The following GAREM1 variants were observed in gnomAD, a reference collection of about 807,000 sequenced individuals.
GAREM1 encodes GRB2-associated and regulator of MAPK protein 1.
A neutral mutation model predicts 71.3 loss-of-function variants in GAREM1; 26 were observed. The ratio of observed to expected loss-of-function variants is 0.36; its 90% confidence interval spans 0.27 to 0.51. The LOEUF (loss-of-function observed/expected upper bound fraction) is 0.51. Ranked by LOEUF, GAREM1 falls within the 20% of genes least tolerant of loss-of-function variation. The pLI is 0.95. For synonymous variants in GAREM1, 440 were observed against 433.2 expected, an observed-to-expected ratio of 1.02 and a Z score of -0.20; for missense variants, 1,026 against 1,103.1, an observed-to-expected ratio of 0.93 and a Z score of 0.99.
At chr18:32,359,346 C>T (rs1037978160) in intron 2 of GAREM1, among the ~76,000 whole-genome samples, 4 of 152,080 alleles carry the variant, frequency 2.6e-5, no homozygotes, top group African/African-American at 9.7e-5. Context: ...TACTGATTTT[C>T]CATTATGTAG....
At position 32,370,072 on chromosome 18, in the gene GAREM1, G is replaced by A. The variant is rs145438540; in HGVS notation, c.262+22823C>T. ...CAAAAAGTTTCCACTGACTGGCAGG[G>A]TGCGGGCTACTTCATGGCAATTTTA... On this transcript the variant is annotated intron_variant, in intron 2 of 5. Coordinates refer to ENST00000269209, the MANE Select transcript of GAREM1 (RefSeq NM_001242409.2). Among the ~76,000 whole-genome samples the A allele has an allele frequency of 5.9e-5, 9 of 152,346 alleles. No homozygotes were observed. In the East Asian group the frequency reaches 1.7e-3, roughly 29 times the overall value.
Position 32,305,059 on chromosome 18 carries a change from A to C in GAREM1, c.393+5134T>G, listed in dbSNP as rs538368871. ...AAAAAGCCTATTACAGTTAAAAAAA[A>C]ACCCCACAAATATGCAGGAAAACAA... On this transcript the variant is annotated intron_variant, in intron 3 of 5. Transcript: ENST00000269209. Among the ~76,000 whole-genome samples the C allele has an allele frequency of 7.2e-5, 11 of 152,322 alleles. No individual in the cohort carries two copies. In the South Asian group the frequency reaches 2.3e-3, roughly 32 times the overall value.
At chr18:32,452,162 A>G (rs2048846261) in intron 1 of GAREM1, among the ~76,000 whole-genome samples, 1 of 152,152 alleles carries the variant, frequency 6.6e-6, no homozygotes, top group African/African-American at 2.4e-5. Flanking sequence ...TACTGATATT[A>G]GGAGCTTACA....
At chr18:32,438,314 T>C (rs961240970) in intron 1 of GAREM1, among the ~76,000 whole-genome samples, 1 of 152,256 alleles carries the variant, frequency 6.6e-6, no homozygotes, top group African/African-American at 2.4e-5. Flanking sequence ...ATGGCTTCCA[T>C]CCGTGACCTT....
chr18:32,420,755 G>GAAAA lies in GAREM1; in HGVS notation c.122-27724_122-27721dup, dbSNP rs10683034. Among the ~76,000 whole-genome samples the GAAAA allele has an allele frequency of 8.5e-4, 105 of 123,216 alleles. 1 individual carries two copies. The highest frequency in any genetic ancestry group is 2.9e-3 in the African/African-American group (101 of 34,686). The allele number at this position is 123,216 out of a possible 152,430, so 80.8% of individuals were successfully genotyped here. On this transcript the variant is annotated intron_variant, in intron 1 of 5. Coordinates refer to ENST00000269209, the MANE Select transcript of GAREM1 (RefSeq NM_001242409.2). The stretch of plus-strand genomic sequence containing the variant: ...GTGAGACCCCCTTCTCTTCAAAAAT[G>GAAAA]AAAAAAAAAAAAAAATAGAATCCCA...
chr18:32,409,061 C>A (rs2048392507), intron 1 of GAREM1, among the ~76,000 whole-genome samples: 3 of 152,162 alleles, frequency 2.0e-5, no homozygotes. Context: ...CAGAAACCCT[C>A]ATCTCCCCAG....
intron 1 of GAREM1, among the ~76,000 whole-genome samples, chr18:32,451,675 C>T (rs907612801): frequency 1.3e-5 from 2 of 152,150 alleles, no homozygotes; most frequent in African/African-American, 2.4e-5. Context: ...CAAATATTGC[C>T]TAATTCCAAA....
intron 1 of GAREM1, among the ~76,000 whole-genome samples, chr18:32,449,937 T>C (rs2048819196): frequency 6.6e-6 from 1 of 152,182 alleles, no homozygotes; most frequent in Admixed American, 6.5e-5. Flanking sequence ...GAGACCCCTA[T>C]GGACATTGGG....
chr18:32,435,509 A>G (rs1398330984), intron 1 of GAREM1, among the ~76,000 whole-genome samples: 3 of 152,186 alleles, frequency 2.0e-5, no homozygotes, highest in South Asian at 2.1e-4. Context: ...ACTAGATCAC[A>G]TTTGTCTGCA....
In GAREM1 at chr18:32,470,506, C is replaced by T. The variant is rs2144328695; in HGVS notation, c.-78G>A. 9.3e-7 allele frequency: 1 copy of T among 1,078,746 alleles called. No individual in the cohort carries two copies. The highest frequency in any genetic ancestry group is 5.3e-5 in the East Asian group (1 of 18,754). The allele number at this position is 1,078,746 out of a possible 1,614,324, so 66.8% of individuals were successfully genotyped here. On this transcript the variant is annotated 5_prime_UTR_variant, in exon 1 of 6. Coordinates refer to ENST00000269209, the MANE Select transcript of GAREM1 (RefSeq NM_001242409.2). This position sits in a 1 kb window ranked among gnomAD's most constrained non-coding sequence, Gnocchi z 4.4. ...CCGCGCCTCGGCGGCCGCCGCTGCT[C>T]GCGCTCGCGGTCTGGGGCGCGCGGG...
Position 32,270,076 on chromosome 18 carries a change from G to A in GAREM1, c.1733+141C>T, listed in dbSNP as rs1352486764. On this transcript the variant is annotated intron_variant, in intron 5 of 5. Coordinates refer to ENST00000269209, the MANE Select transcript of GAREM1 (RefSeq NM_001242409.2). ...ACAGGGGCCCCATCATGCTCACTCA[G>A]TAAAATTATTTAGAAAATTAAAAAG... 6 of 916,234 alleles carry A rather than the reference G, an allele frequency of 6.5e-6. No individual in the cohort carries two copies. The African/African-American group carries it at 6.8e-5, about 10-fold the overall frequency. The allele number at this position is 916,234 out of a possible 1,614,324, so 56.8% of individuals were successfully genotyped here.
intron 1 of GAREM1, among the ~76,000 whole-genome samples, chr18:32,393,270 AAT>A: frequency 6.6e-6 from 1 of 152,120 alleles, no homozygotes. Flanking sequence ...CTCATTTGCA[AAT>A]AGCTATTCAA....
At chr18:32,364,008 A>ATATATATATG (rs1416891776) in intron 2 of GAREM1, among the ~76,000 whole-genome samples, 1 of 43,890 alleles carries the variant, frequency 2.3e-5, no homozygotes. Context: ...ATATATATAT[A>ATATATATATG]TATATATATA....
At chr18:32,402,846 G>A (rs1434887929) in intron 1 of GAREM1, among the ~76,000 whole-genome samples, 3 of 152,056 alleles carry the variant, frequency 2.0e-5, no homozygotes, top group African/African-American at 7.2e-5. Context: ...CTAGGACCTG[G>A]AAACTTGGTA....
rs145137610 is a variant in GAREM1 at position 32,271,877 on chromosome 18, G to A, written c.1567-1494C>T. 4.5e-4 allele frequency among the ~76,000 whole-genome samples: 68 copies of A among 152,240 alleles called. No individual in the cohort carries two copies. In the East Asian group the frequency reaches 0.01, roughly 23 times the overall value. On this transcript the variant is annotated intron_variant, in intron 4 of 5. Coordinates refer to ENST00000269209, the MANE Select transcript of GAREM1 (RefSeq NM_001242409.2). ...AGTGACATTTTTCATGTACTTCTAC[G>A]TGTCAGGCAGCAGGGGGCAGTTTAT...
intron 2 of GAREM1, among the ~76,000 whole-genome samples, chr18:32,376,473 C>T (rs1482646001): frequency 1.3e-5 from 2 of 152,204 alleles, no homozygotes; most frequent in Non-Finnish European, 2.9e-5. Context: ...ATCACATAAA[C>T]TGTAAATATT....
At chr18:32,403,054 A>T (rs2048331377) in intron 1 of GAREM1, among the ~76,000 whole-genome samples, 1 of 152,028 alleles carries the variant, frequency 6.6e-6, no homozygotes, top group African/African-American at 2.4e-5. Context: ...AGTAGCTGGG[A>T]TTACAGGCGT....
At chr18:32,466,351 T>C (rs1051384767) in intron 1 of GAREM1, among the ~76,000 whole-genome samples, 1 of 152,240 alleles carries the variant, frequency 6.6e-6, no homozygotes, top group Non-Finnish European at 1.5e-5. Context: ...TTGAATCTCA[T>C]GAATTTTTAA....
chr18:32,341,317 T>C lies in GAREM1; in HGVS notation c.263-30994A>G, dbSNP rs1051723264. Among the ~76,000 whole-genome samples, 6 of 152,212 alleles carry C rather than the reference T, an allele frequency of 3.9e-5. 1 individual carries two copies. The highest frequency in any genetic ancestry group is 8.8e-5 in the Non-Finnish European group (6 of 68,032). The stretch of plus-strand genomic sequence containing the variant: ...TACAAAGGACATGAACTCATCCTTT[T>C]TTCTGGCTGCATAGTATTCCACGGT... On this transcript the variant is annotated intron_variant, in intron 2 of 5. Transcript: ENST00000269209.
Sources: gnomAD v4.1 joint callset for allele counts (sites outside exome capture counted in the v4.1 genomes callset) on GRCh38, gnomAD v4.1.1 for gene constraint, Gnocchi (gnomAD v3.1) non-coding constraint, MANE v1.5 for transcripts, NCBI Gene and HGNC (gene_info 2026-07-23, HGNC 2026-07-21) for gene names.